The following AOAH variants were observed in gnomAD, a reference collection of about 807,000 sequenced individuals.
The protein encoded by AOAH is acyloxyacyl hydrolase.
Under a neutral mutation model 92.2 loss-of-function variants are expected in AOAH, and 64 were observed. That is an observed-to-expected ratio of 0.69 (90% CI 0.57 to 0.86). The LOEUF (loss-of-function observed/expected upper bound fraction) is 0.86. Among genes scored for constraint, AOAH ranks in the 40% least tolerant of loss-of-function variants. AOAH has a pLI of 0.00. For synonymous variants in AOAH, 263 were observed against 254.5 expected (o/e 1.03, Z -0.32); for missense variants, 656 against 694.6 (o/e 0.94, Z 0.62).
chr7:36,696,633 G>A (rs1424664563), intron 1 of AOAH, among the ~76,000 whole-genome samples: 2 of 151,990 alleles, frequency 1.3e-5, no homozygotes, highest in Non-Finnish European at 2.9e-5. Context: ...AGGCTGAGGC[G>A]GGTGGATCAT....
chr7:36,691,440 A>G (rs146121371), intron 1 of AOAH, among the ~76,000 whole-genome samples: 217 of 152,296 alleles, frequency 1.4e-3, no homozygotes, highest in African/African-American at 5.1e-3. Context: ...TGTGAATCTC[A>G]TTGCACCTTA....
At chr7:36,613,063 A>G (rs1426173391) in intron 11 of AOAH, among the ~76,000 whole-genome samples, 1 of 152,152 alleles carries the variant, frequency 6.6e-6, no homozygotes, top group Admixed American at 6.5e-5. Flanking sequence ...TATTATGCTT[A>G]GAGAGACTGG....
At chr7:36,539,608 T>C (rs531177592) in intron 16 of AOAH, among the ~76,000 whole-genome samples, 1 of 152,304 alleles carries the variant, frequency 6.6e-6, no homozygotes, top group South Asian at 2.1e-4. Flanking sequence ...CATTCTCCTC[T>C]GAAATACAGA....
At chr7:36,619,286 C>T (rs1792114445) in intron 9 of AOAH, among the ~76,000 whole-genome samples, 1 of 152,080 alleles carries the variant, frequency 6.6e-6, no homozygotes, top group South Asian at 2.1e-4. Context: ...AGTGGTGTTT[C>T]CTCTGTGGAA....
At chr7:36,564,293 T>C (rs1465507905) in intron 13 of AOAH, among the ~76,000 whole-genome samples, 1 of 152,238 alleles carries the variant, frequency 6.6e-6, no homozygotes, top group Admixed American at 6.5e-5. Context: ...AGGCCTCAAC[T>C]TGCCTTTATT....
chr7:36,678,169 G>A (rs1796377129), intron 2 of AOAH, among the ~76,000 whole-genome samples: 1 of 152,120 alleles, frequency 6.6e-6, no homozygotes, highest in Admixed American at 6.5e-5. Flanking sequence ...ATCCTTTTTA[G>A]GGGTGCTACT....
intron 4 of AOAH, among the ~76,000 whole-genome samples, chr7:36,641,807 G>C (rs941264922): frequency 6.6e-6 from 1 of 152,160 alleles, no homozygotes; most frequent in East Asian, 1.9e-4. Flanking sequence ...CACCTGCCAT[G>C]CTACCTTAGA....
At chr7:36,548,904 T>G (rs573029539) in intron 14 of AOAH, among the ~76,000 whole-genome samples, 4 of 152,174 alleles carry the variant, frequency 2.6e-5, no homozygotes, top group Admixed American at 2.0e-4. Flanking sequence ...AAAGGCCACA[T>G]AAATGCATAA....
intron 12 of AOAH, among the ~76,000 whole-genome samples, chr7:36,593,314 T>C (rs964281505): frequency 6.6e-6 from 1 of 152,228 alleles, no homozygotes; most frequent in Non-Finnish European, 1.5e-5. Flanking sequence ...AATCATCAAA[T>C]AAATTATTCA....
chr7:36,580,473 C>A (rs1427815534), intron 12 of AOAH, among the ~76,000 whole-genome samples: 1 of 152,064 alleles, frequency 6.6e-6, no homozygotes, highest in African/African-American at 2.4e-5. Context: ...CTATAGAATT[C>A]TTTTATCTTT....
At chr7:36,634,301 GTAGT>G (rs992743141) in intron 5 of AOAH, among the ~76,000 whole-genome samples, 1 of 152,136 alleles carries the variant, frequency 6.6e-6, no homozygotes, top group Admixed American at 6.6e-5. Flanking sequence ...CCTGGGCCTG[GTAGT>G]TAAAGATTGA....
chr7:36,681,061 C>T (rs1279408514), intron 2 of AOAH, among the ~76,000 whole-genome samples: 4 of 152,128 alleles, frequency 2.6e-5, no homozygotes, highest in African/African-American at 9.7e-5. Flanking sequence ...CGTTCACCTT[C>T]GGACGACGCA....
intron 4 of AOAH, among the ~76,000 whole-genome samples, chr7:36,642,060 C>T (rs1793953241): frequency 1.3e-5 from 2 of 152,116 alleles, no homozygotes; most frequent in African/African-American, 4.8e-5. Context: ...TTTGAATTGT[C>T]TCACCTAAAT....
intron 3 of AOAH, 98 bp from the exon 4 acceptor site, chr7:36,659,363 TA>T: frequency 1.0e-6 from 1 of 987,736 alleles, no homozygotes; most frequent in South Asian, 1.4e-5. Context: ...GAATGGATTC[TA>T]ATACCCTCAA....
intron 12 of AOAH, among the ~76,000 whole-genome samples, chr7:36,586,039 A>T (rs1039137643): frequency 4.6e-5 from 7 of 152,096 alleles, no homozygotes; most frequent in African/African-American, 1.4e-4. Flanking sequence ...GTGTCTACAG[A>T]TGGTCCGTCT....
intron 11 of AOAH, among the ~76,000 whole-genome samples, chr7:36,613,757 C>A (rs1326653834): frequency 2.0e-5 from 3 of 152,166 alleles, no homozygotes; most frequent in Non-Finnish European, 4.4e-5. Flanking sequence ...TTTCTGAGTT[C>A]TTCTTTTTCA....
chr7:36,573,299 G>A (rs1342609257), intron 13 of AOAH, among the ~76,000 whole-genome samples: 1 of 152,176 alleles, frequency 6.6e-6, no homozygotes, highest in African/African-American at 2.4e-5. Flanking sequence ...AGGAAGTTCT[G>A]AGAGCCACTG....
At chr7:36,537,383 T>C (rs1785137591) in intron 16 of AOAH, among the ~76,000 whole-genome samples, 1 of 152,020 alleles carries the variant, frequency 6.6e-6, no homozygotes, top group Non-Finnish European at 1.5e-5. Flanking sequence ...AAAGGCAAAA[T>C]CTAGAGCAGT....
chr7:36,586,767 C>A (rs896067235), intron 12 of AOAH, among the ~76,000 whole-genome samples: 1 of 152,122 alleles, frequency 6.6e-6, no homozygotes, highest in African/African-American at 2.4e-5. Context: ...ATTTAATTAT[C>A]AATTCATTTT....
Sources: allele counts gnomAD v4.1 joint callset (sites outside exome capture counted in the v4.1 genomes callset), GRCh38; gene constraint gnomAD v4.1.1; transcripts MANE v1.5; gene names NCBI Gene and HGNC (gene_info 2026-07-23, HGNC 2026-07-21).